Variants in JARID2 observed in about 807,000 individuals in gnomAD.
JARID2 encodes the protein jumonji and AT-rich interaction domain containing 2.
A neutral mutation model predicts 125.6 loss-of-function variants in JARID2; 21 were observed. That is an observed-to-expected ratio of 0.17 (90% confidence interval 0.12 to 0.24). JARID2 has a LOEUF of 0.24. Ranked by LOEUF, JARID2 falls within the 10% of genes least tolerant of loss-of-function variation. The probability of loss-of-function intolerance (pLI) is 1.00; values close to 1 mark genes in which losing one functional copy is unlikely to be tolerated. For synonymous variants in JARID2, 736 were observed against 661.6 expected, an observed-to-expected ratio of 1.11 and a Z score of -1.73; for missense variants, 1,303 against 1,639.6, an observed-to-expected ratio of 0.79 and a Z score of 3.55.
intron 2 of JARID2, among the ~76,000 whole-genome samples, chr6:15,387,993 C>T (rs1270447878): frequency 6.6e-6 from 1 of 152,104 alleles, no homozygotes; most frequent in East Asian, 1.9e-4. Context: ...TGCAGGGTCA[C>T]CAGATAGGGC....
intron 1 of JARID2, among the ~76,000 whole-genome samples, chr6:15,285,878 G>T (rs1424313648): frequency 6.6e-6 from 1 of 152,148 alleles, no homozygotes; most frequent in Admixed American, 6.5e-5. Context: ...CATGCATTAT[G>T]TATCACACTT....
intron 5 of JARID2, among the ~76,000 whole-genome samples, chr6:15,470,167 ACT>A (rs1341987285): frequency 2.5e-5 from 3 of 122,334 alleles, no homozygotes; most frequent in African/African-American, 6.6e-5. Context: ...ACAGAGCGAG[ACT>A]CTGTCTCAAA....
intron 3 of JARID2, among the ~76,000 whole-genome samples, chr6:15,413,012 T>TG (rs1336053643): frequency 1.1e-5 from 1 of 89,074 alleles, no homozygotes; most frequent in Non-Finnish European, 2.5e-5. Flanking sequence ...GTTTTTGTTT[T>TG]TTTTTTTTTT....
At chr6:15,468,799 A>G in intron 5 of JARID2, 81 bp downstream of exon 5, 1 of 1,412,164 alleles carries the variant, frequency 7.1e-7, no homozygotes, top group Non-Finnish European at 9.6e-7. Flanking sequence ...CTGAGAAGAG[A>G]TGAGATGAAG....
intron 1 of JARID2, among the ~76,000 whole-genome samples, chr6:15,350,736 T>C (rs886630255): frequency 6.6e-6 from 1 of 151,786 alleles, no homozygotes; most frequent in East Asian, 1.9e-4. Flanking sequence ...TAAGGTTTTT[T>C]TTTTTTTTTT....
chr6:15,291,208 C>A (rs1456322761), intron 1 of JARID2, among the ~76,000 whole-genome samples: 2 of 152,132 alleles, frequency 1.3e-5, no homozygotes, highest in African/African-American at 2.4e-5. Context: ...TCATTCCAGC[C>A]TGGGTAATAG....
chr6:15,372,393 CTGTCTCCCAGGTG>C (rs1416284815), intron 1 of JARID2, among the ~76,000 whole-genome samples: 3 of 152,166 alleles, frequency 2.0e-5, no homozygotes, highest in African/African-American at 7.2e-5. Flanking sequence ...GAGTTTTGCT[CTGTCTCCCAGGTG>C]GGAGTGCAGT....
chr6:15,415,386 G>A (rs1766102454), intron 3 of JARID2, among the ~76,000 whole-genome samples: 1 of 151,304 alleles, frequency 6.6e-6, no homozygotes. Context: ...TCCCTGTAGG[G>A]GCGGCCGGGC....
chr6:15,495,078 C>A (rs192823910), intron 6 of JARID2, among the ~76,000 whole-genome samples: 8 of 152,228 alleles, frequency 5.3e-5, no homozygotes, highest in Admixed American at 2.0e-4. Flanking sequence ...AAAGTAATGC[C>A]CAAGGTGTTA....
At chr6:15,450,020 G>A (rs1043376053) in intron 3 of JARID2, among the ~76,000 whole-genome samples, 5 of 143,294 alleles carry the variant, frequency 3.5e-5, no homozygotes, top group African/African-American at 1.1e-4. Flanking sequence ...TTTCTTGTAG[G>A]AATTTGTTAA....
intron 1 of JARID2, among the ~76,000 whole-genome samples, chr6:15,256,961 A>C (rs1293448410): frequency 6.6e-6 from 1 of 152,208 alleles, no homozygotes. Flanking sequence ...AATCTAGTGC[A>C]AAAAGATAGA....
chr6:15,397,978 G>GA (rs1292485651), intron 2 of JARID2, among the ~76,000 whole-genome samples: 1 of 152,166 alleles, frequency 6.6e-6, no homozygotes, highest in Non-Finnish European at 1.5e-5. Context: ...GTGTAATAAT[G>GA]AAAATGGATA....
intron 3 of JARID2, among the ~76,000 whole-genome samples, chr6:15,450,717 A>G (rs1767883552): frequency 6.6e-6 from 1 of 152,146 alleles, no homozygotes; most frequent in Non-Finnish European, 1.5e-5. Flanking sequence ...GTGAGTGGAG[A>G]CCTTTACGAT....
intron 8 of JARID2, among the ~76,000 whole-genome samples, chr6:15,503,350 T>G (rs1770832699): frequency 6.6e-6 from 1 of 152,244 alleles, no homozygotes; most frequent in Non-Finnish European, 1.5e-5. Flanking sequence ...AGTACGTTCC[T>G]GTAGTTAGAA....
At chr6:15,376,763 A>G (rs2299059) in intron 2 of JARID2, among the ~76,000 whole-genome samples, 32,544 of 152,096 alleles carry the variant, frequency 0.21, 4,382 homozygotes, top group East Asian at 0.32. Flanking sequence ...CATCTTAAAC[A>G]AAGTGTACTT....
intron 1 of JARID2, among the ~76,000 whole-genome samples, chr6:15,335,118 C>T (rs192856827): frequency 1.3e-3 from 194 of 151,754 alleles, no homozygotes; most frequent in African/African-American, 4.4e-3. Flanking sequence ...TTCTTCTTTC[C>T]AGAGACAGTC....
rs150468165 is a variant in JARID2, at chr6:15,258,344, C to T, written c.45+11760C>T. Among the ~76,000 whole-genome samples the T allele has an allele frequency of 3.9e-3, 599 of 152,290 alleles. 3 individuals carry two copies. The highest frequency in any genetic ancestry group is 0.017 in the Middle Eastern group (5 of 294). On this transcript the variant is annotated intron_variant, in intron 1 of 17. Transcript: ENST00000341776. ...GTCAGTCTGAAGTTGAGGATCTCTG[C>T]TCTGTCATCTTGGGTAGATCACTTC...
At chr6:15,449,132 C>T (rs1254629529) in intron 3 of JARID2, among the ~76,000 whole-genome samples, 1 of 152,080 alleles carries the variant, frequency 6.6e-6, no homozygotes, top group Non-Finnish European at 1.5e-5. Flanking sequence ...AAGATCCTGC[C>T]TCTGGGCTTC....
chr6:15,509,930 T>C (rs1471273554), intron 12 of JARID2, among the ~76,000 whole-genome samples: 2 of 152,170 alleles, frequency 1.3e-5, no homozygotes, highest in African/African-American at 4.8e-5. Context: ...ACATGTGATT[T>C]AGGTTAGAAA....
Sources: gnomAD v4.1 joint callset for allele counts (sites outside exome capture counted in the v4.1 genomes callset) on GRCh38, gnomAD v4.1.1 for gene constraint, MANE v1.5 for transcripts, NCBI Gene and HGNC (gene_info 2026-07-23, HGNC 2026-07-21) for gene names.